Variants in TOGARAM2 observed in about 807,000 individuals in gnomAD.
The protein encoded by TOGARAM2 is TOG array regulator of axonemal microtubules 2.
A neutral mutation model predicts 93.3 loss-of-function variants in TOGARAM2; 85 were observed. That is an observed-to-expected ratio of 0.91 (90% CI 0.76 to 1.09). The LOEUF (loss-of-function observed/expected upper bound fraction) is 1.09. Ranked by LOEUF, TOGARAM2 falls within the 50% of genes least tolerant of loss-of-function variation. The pLI, the probability that TOGARAM2 is intolerant of heterozygous loss-of-function variation, is 0.00. For missense variants in TOGARAM2, 1,277 were observed against 1,334.5 expected, an observed-to-expected ratio of 0.96 and a Z score of 0.67; for synonymous variants, 593 against 552.8, an observed-to-expected ratio of 1.07 and a Z score of -1.02.
intron 1 of TOGARAM2, among the ~76,000 whole-genome samples, chr2:28,988,617 G>A (rs1867943): frequency 0.27 from 41,350 of 151,978 alleles, 6,101 homozygotes; most frequent in East Asian, 0.62. Context: ...GAACAAACAA[G>A]CAAACAAAAA....
At chr2:29,029,188 G>A (rs1352448170) in intron 14 of TOGARAM2, among the ~76,000 whole-genome samples, 1 of 151,960 alleles carries the variant, frequency 6.6e-6, no homozygotes, top group East Asian at 1.9e-4. Context: ...GCAAAAATGC[G>A]AAAACAGCCC....
intron 9 of TOGARAM2, among the ~76,000 whole-genome samples, chr2:29,017,531 C>G (rs1320458923): frequency 6.6e-6 from 1 of 152,122 alleles, no homozygotes; most frequent in Non-Finnish European, 1.5e-5. Flanking sequence ...CTCAGCCTCC[C>G]AAGTAGTGGG....
At position 28,999,317 on chromosome 2, in the gene TOGARAM2, G is replaced by A. The variant is rs1673158565; in HGVS notation, c.276G>A (p.Arg92=). The A allele has an allele frequency of 6.2e-7, 1 of 1,613,886 alleles. No homozygotes were observed. Among genetic ancestry groups the A allele is most frequent in the Non-Finnish European group, 8.5e-7 (1 of 1,179,846 alleles). ...KGWQARNGHP[R]NLRALSLGDQ... is the part of the protein sequence containing the mutation. ...GGCAGGCAAGGAATGGTCACCCCAG[G>A]AACCTCAGGGCCTTGTCTTTGGGGG... is the stretch of plus-strand genomic sequence containing the variant. The change falls in exon 4 of 20, where the codon AGG becomes AGA. Residue 92 remains arginine (R), a synonymous_variant. Transcript: ENST00000379558.
At chr2:29,040,640 A>AT (rs1244796349) in intron 18 of TOGARAM2, among the ~76,000 whole-genome samples, 1 of 152,212 alleles carries the variant, frequency 6.6e-6, no homozygotes, top group African/African-American at 2.4e-5. Flanking sequence ...AACATGAGCC[A>AT]TACAGGGGAT....
intron 1 of TOGARAM2, among the ~76,000 whole-genome samples, chr2:28,990,515 C>G (rs759864090): frequency 2.0e-5 from 3 of 152,224 alleles, no homozygotes; most frequent in Non-Finnish European, 4.4e-5. Context: ...GACTCACAGG[C>G]GCATCTCCTC....
At chr2:29,002,455 C>A in intron 4 of TOGARAM2, 81 bp from the exon 5 acceptor site, 1 of 1,265,290 alleles carries the variant, frequency 7.9e-7, no homozygotes, top group Non-Finnish European at 1.1e-6. Context: ...GGGCAGAAGG[C>A]CCCGTTGCTG....
chr2:28,981,102 G>A (rs566347968), upstream of TOGARAM2, among the ~76,000 whole-genome samples: 3 of 152,352 alleles, frequency 2.0e-5, no homozygotes, highest in South Asian at 6.2e-4. Context: ...CCTGGCTGCA[G>A]TCACCAGGCA....
intron 1 of TOGARAM2, among the ~76,000 whole-genome samples, chr2:28,968,082 G>C (rs997979274): frequency 2.0e-5 from 3 of 152,120 alleles, no homozygotes; most frequent in Admixed American, 2.0e-4. Context: ...GCCTCCAAAA[G>C]TGTTGGGATT....
At chr2:29,047,109 C>T (rs144942331) in intron 19 of TOGARAM2, 1,913 of 152,756 alleles carry the variant, frequency 0.013, 15 homozygotes, top group Middle Eastern at 0.03. Context: ...CCATCTCTTG[C>T]GCCTGGCCTT....
chr2:29,006,099 C>T lies in TOGARAM2; in HGVS notation c.830+2417C>T, dbSNP rs1663784216. Among the ~76,000 whole-genome samples, 3 of 54,384 alleles carry T rather than the reference C, an allele frequency of 5.5e-5. No individual in the cohort carries two copies. In the South Asian group the frequency reaches 1.7e-3, roughly 32 times the overall value. The allele number at this position is 54,384 out of a possible 152,430, so 35.7% of individuals were successfully genotyped here. On this transcript the variant is annotated intron_variant, in intron 6 of 19. Transcript: ENST00000379558. ...AGAGCACGTGTGTGTGTGTGGGGTG[C>T]ATGTGTGTGGAGTGCATATGTGTGT...
rs1244948786 is a variant in TOGARAM2 at position 29,017,932 on chromosome 2, C to A, written c.1336C>A (p.Pro446Thr). ...CAGCATCCCCATCAGCCGGCAGGAGCCCCGCTTTGCCCGCCACGCCTCAGG... is the reference window on the plus strand; with the variant it reads ...CAGCATCCCCATCAGCCGGCAGGAGACCCGCTTTGCCCGCCACGCCTCAGG... ...LPSIPISRQE[P>T]RFARHASANS... Residue 446 changes from proline (P) to threonine (T), a missense_variant, in exon 10 of 20, where the codon CCC (proline) becomes ACC (threonine). By Grantham distance (38) the Pro-to-Thr change is conservative (BLOSUM62 -1). Coordinates refer to ENST00000379558, the MANE Select transcript of TOGARAM2 (RefSeq NM_199280.4). 9 of 1,606,054 alleles carry A rather than the reference C, an allele frequency of 5.6e-6. No homozygotes were observed. The Admixed American group carries it at 8.4e-5, about 15-fold the overall frequency.
At chr2:28,957,760 C>A (rs566612655) in intron 1 of TOGARAM2, among the ~76,000 whole-genome samples, 2 of 152,126 alleles carry the variant, frequency 1.3e-5, no homozygotes, top group Non-Finnish European at 2.9e-5. Context: ...ACTTCAGTTT[C>A]ATAGGATAGG....
At chr2:29,050,929 G>A (rs539605582) in intron 19 of TOGARAM2, 3 of 152,670 alleles carry the variant, frequency 2.0e-5, no homozygotes, top group South Asian at 4.1e-4. Context: ...TGGGTTTTCC[G>A]GGGTTTAGAG....
intron 1 of TOGARAM2, among the ~76,000 whole-genome samples, chr2:28,983,915 C>T (rs1455857467): frequency 6.6e-6 from 1 of 152,052 alleles, no homozygotes; most frequent in Non-Finnish European, 1.5e-5. Flanking sequence ...GAGCATCTGC[C>T]CCCAGCCATT....
At chr2:29,032,356 A>C (rs948584725) in intron 14 of TOGARAM2, among the ~76,000 whole-genome samples, 160 of 151,838 alleles carry the variant, frequency 1.1e-3, no homozygotes, top group African/African-American at 3.5e-3. Context: ...ATCCCACCCA[A>C]CTTGTGAACT....
intron 14 of TOGARAM2, 73 bp downstream of exon 14, chr2:29,027,084 A>G: frequency 1.4e-6 from 2 of 1,398,982 alleles, no homozygotes; most frequent in Non-Finnish European, 1.9e-6. Context: ...TGGGGCACAC[A>G]GCTTCAGCTT....
intron 13 of TOGARAM2, 84 bp downstream of exon 13, chr2:29,024,458 G>A: frequency 1.8e-6 from 2 of 1,100,644 alleles, no homozygotes; most frequent in South Asian, 1.4e-5. Flanking sequence ...GAAAGAAGGA[G>A]GGAAGGGTGC....
chr2:28,968,688 A>T (rs897975882), intron 1 of TOGARAM2, among the ~76,000 whole-genome samples: 1 of 151,930 alleles, frequency 6.6e-6, no homozygotes, highest in Admixed American at 6.6e-5. Context: ...GCATGGTGGC[A>T]TGTGCCTGTA....
intron 2 of TOGARAM2, among the ~76,000 whole-genome samples, chr2:28,997,142 G>A (rs187410278): frequency 1.4e-3 from 216 of 152,278 alleles, no homozygotes; most frequent in Middle Eastern, 3.4e-3. Flanking sequence ...AGCTTCTGTA[G>A]ACACAAGGAA....
Sources: gnomAD v4.1 joint callset for allele counts (sites outside exome capture counted in the v4.1 genomes callset) on GRCh38, gnomAD v4.1.1 for gene constraint, MANE v1.5 for transcripts, NCBI Gene and HGNC (gene_info 2026-07-23, HGNC 2026-07-21) for gene names.